PCIF1: variants seen among roughly 807,000 people sequenced by gnomAD.
The protein encoded by PCIF1 is phosphorylated CTD interacting factor 1.
PCIF1 carries 12 observed loss-of-function variants against 86.9 expected under a neutral mutation model. The ratio of observed to expected loss-of-function variants is 0.14; its 90% CI spans 0.09 to 0.22. The LOEUF is 0.22. Ranked by LOEUF, PCIF1 falls within the 10% of genes least tolerant of loss-of-function variation. PCIF1 has a pLI of 1.00. For synonymous variants in PCIF1, 397 were observed against 372.0 expected, an observed-to-expected ratio of 1.07 and a Z score of -0.77; for missense variants, 701 against 951.1, an observed-to-expected ratio of 0.74 and a Z score of 3.46.
At position 45,938,874 on chromosome 20, in the gene PCIF1, C is replaced by A. The variant is rs1328326233; in HGVS notation, c.-19-107C>A. On this transcript the variant is annotated intron_variant, in intron 2 of 16. Coordinates refer to ENST00000372409, the MANE Select transcript of PCIF1 (RefSeq NM_022104.4). ...ACCATGCTGGCCCTCCAGGATAGGA[C>A]CTGATTGGATTTCTCCACATCGGTG... 4.1e-6 allele frequency: 6 copies of A among 1,453,694 alleles called. No individual in the cohort carries two copies. The East Asian group carries it at 1.1e-4, about 27-fold the overall frequency. The allele number at this position is 1,453,694 out of a possible 1,614,324, so 90.0% of individuals were successfully genotyped here.
Position 45,940,841 on chromosome 20 carries a change from G to C in PCIF1, c.420G>C (p.Ser140=), listed in dbSNP as rs141459556. 5 of 1,613,888 alleles carry C rather than the reference G, an allele frequency of 3.1e-6. No homozygotes were observed. The Admixed American group carries it at 8.3e-5, about 27-fold the overall frequency. Residue 140 remains serine (S), a synonymous_variant, in exon 6 of 17, where the codon TCG becomes TCC. Transcript: ENST00000372409. ...IEIPVTPTGQ[S]VPSSPSIPGT... is the part of the protein sequence containing the mutation. ...TCCCAGTGACACCCACAGGCCAGTC[G>C]GTGCCCAGCTCCCCCAGTATCCCAG...
intron 10 of PCIF1, among the ~76,000 whole-genome samples, chr20:45,944,144 A>G (rs916625323): frequency 1.3e-5 from 2 of 152,014 alleles, no homozygotes; most frequent in African/African-American, 4.8e-5. Context: ...ATCAGATTCA[A>G]TTCCCTACTC....
rs770560776 is a variant in PCIF1 at position 45,938,961 on chromosome 20, T to C, written c.-19-20T>C. 10 of 1,612,182 alleles carry C rather than the reference T, an allele frequency of 6.2e-6. No homozygotes were observed. In the South Asian group the frequency reaches 7.7e-5, roughly 12 times the overall value. On this transcript the variant is annotated intron_variant, in intron 2 of 16. Coordinates refer to ENST00000372409, the MANE Select transcript of PCIF1 (RefSeq NM_022104.4). ...GGGTGAGGGGGTGGAGCTGACACTC[T>C]TTGGTCCTCTGTGTGGCAGGTCCTG...
intron 7 of PCIF1, among the ~76,000 whole-genome samples, chr20:45,942,680 C>A (rs1486134755): frequency 6.6e-6 from 1 of 151,468 alleles, no homozygotes; most frequent in African/African-American, 2.4e-5. Flanking sequence ...AGTGGCACGA[C>A]CACAGCTCAC....
Position 45,947,449 on chromosome 20 carries a change from G to C in PCIF1, c.1883+11G>C, listed in dbSNP as rs940829489. ...GCACATCTGCAAGAAGTGGGTGCCA[G>C]GGAGGGCAGGGGAAGGAGGCTGGGC... is the stretch of plus-strand genomic sequence containing the variant. On this transcript the variant is annotated intron_variant, in intron 16 of 16. Transcript: ENST00000372409. The surrounding 1 kb of genome is among the most constrained non-coding windows in gnomAD (Gnocchi z 5.4). 1 of 1,613,748 alleles carries C rather than the reference G, an allele frequency of 6.2e-7. No homozygotes were observed.
At position 45,943,439 on chromosome 20, in the gene PCIF1, G is replaced by T; in HGVS notation, c.905+16G>T. 6.2e-7 allele frequency: 1 copy of T among 1,609,330 alleles called. No individual in the cohort carries two copies. The stretch of plus-strand genomic sequence containing the variant: ...TCGAGTCCAGGTTTGCCTGTCTTCT[G>T]CCCCAGGCGAGATGGGTCTGTGATT... On this transcript the variant is annotated intron_variant, in intron 9 of 16. Coordinates refer to ENST00000372409, the MANE Select transcript of PCIF1 (RefSeq NM_022104.4). This position sits in a 1 kb window ranked among gnomAD's most constrained non-coding sequence, Gnocchi z 5.5.
At chr20:45,940,643 G>C (rs552737940) in intron 5 of PCIF1, 31 bp downstream of exon 5, 5 of 1,585,724 alleles carry the variant, frequency 3.2e-6, no homozygotes, top group Middle Eastern at 1.7e-4. Flanking sequence ...GCCGGCTGCC[G>C]AGCGGCCGGC....
At chr20:45,941,961 T>G (rs898035629) in intron 7 of PCIF1, among the ~76,000 whole-genome samples, 2 of 103,634 alleles carry the variant, frequency 1.9e-5, no homozygotes, top group Non-Finnish European at 4.1e-5. Context: ...GCCTTTCACC[T>G]TTTTTTTTTT....
intron 1 of PCIF1, among the ~76,000 whole-genome samples, chr20:45,936,055 CAT>C (rs1287784565): frequency 6.6e-6 from 1 of 152,222 alleles, no homozygotes; most frequent in Non-Finnish European, 1.5e-5. Flanking sequence ...TTTTGCAAGA[CAT>C]TATTCAGAGC....
intron 2 of PCIF1, 45 bp downstream of exon 2, chr20:45,937,630 C>A: frequency 2.5e-6 from 1 of 398,706 alleles, no homozygotes; most frequent in South Asian, 1.3e-4. Flanking sequence ...CCTGTGTGCT[C>A]AGCCCCCAAG....
In PCIF1 at chr20:45,944,967, C is replaced by T. The variant is rs779749323; in HGVS notation, c.1105C>T (p.Leu369=). 1.2e-5 allele frequency: 20 copies of T among 1,614,050 alleles called. No homozygotes were observed. In the Admixed American group the frequency reaches 3.0e-4, roughly 24 times the overall value. ...CTGCAGTAAGATCTACCACATCTCC[C>T]TGGAGTACGTCAAACGGATCCGAGA... is the stretch of plus-strand genomic sequence containing the variant. ...GICSKIYHIS[L]EYVKRIREKH... The change falls in exon 11 of 17, where the codon CTG becomes TTG. Residue 369 remains leucine (L), a synonymous_variant. Transcript: ENST00000372409.
At chr20:45,945,551 G>A (rs1358767704) in intron 11 of PCIF1, among the ~76,000 whole-genome samples, 160 bp from the exon 12 acceptor site, 4 of 152,200 alleles carry the variant, frequency 2.6e-5, no homozygotes, top group Admixed American at 6.5e-5. Flanking sequence ...TGCCTGGCTG[G>A]TTTCTTTTTA....
intron 10 of PCIF1, among the ~76,000 whole-genome samples, chr20:45,944,572 C>T (rs557483039): frequency 6.6e-6 from 1 of 152,344 alleles, no homozygotes; most frequent in South Asian, 2.1e-4. Context: ...GTAACCCCAA[C>T]AAAAGCTACT....
chr20:45,939,409 C>G, intron 4 of PCIF1, 70 bp downstream of exon 4: 1 of 1,596,786 alleles, frequency 6.3e-7, no homozygotes, highest in South Asian at 1.1e-5. Flanking sequence ...CAAATGTACC[C>G]TGAGCAGCCG....
At chr20:45,937,306 T>TC (rs1430299081) in intron 1 of PCIF1, 112 bp from the exon 2 acceptor site, 1 of 398,050 alleles carries the variant, frequency 2.5e-6, no homozygotes. Flanking sequence ...TCATCCCCTC[T>TC]CCCGGTGTGT....
In PCIF1 at chr20:45,945,858, T is replaced by C. The variant is rs1339883894; in HGVS notation, c.1316T>C (p.Val439Ala). ...CGGTATAAGGGAGAGATGGTCAAGG[T>C]CAGCCGCAACTACTTCAGCAAGCTG... ...CIRYKGEMVK[V>A]SRNYFSKLWL... The change falls in exon 12 of 17, where the codon GTC (valine) becomes GCC (alanine). Residue 439 changes from valine to alanine, a missense_variant. Val to Ala is a moderately conservative substitution (Grantham distance 64, BLOSUM62 0). This residue lies in a region of PCIF1 where 121 missense variants were observed against 131.7 expected (regional missense o/e 0.92). Coordinates refer to ENST00000372409, the MANE Select transcript of PCIF1 (RefSeq NM_022104.4). 1 of 1,613,732 alleles carries C rather than the reference T, an allele frequency of 6.2e-7. No individual in the cohort carries two copies. The highest frequency in any genetic ancestry group is 8.5e-7 in the Non-Finnish European group (1 of 1,180,020).
chr20:45,939,171 T>C (rs571164200), intron 3 of PCIF1, 44 bp from the exon 4 acceptor site: 3 of 1,613,990 alleles, frequency 1.9e-6, no homozygotes, highest in South Asian at 2.2e-5. Flanking sequence ...AAGGGCACCC[T>C]GGGAGCAGTC....
At chr20:45,935,264 C>T (rs1447684890) in intron 1 of PCIF1, among the ~76,000 whole-genome samples, 1 of 152,010 alleles carries the variant, frequency 6.6e-6, no homozygotes, top group African/African-American at 2.4e-5. Flanking sequence ...CTTTGTTCGC[C>T]CTTTGACTCC....
chr20:45,938,847 G>C, intron 2 of PCIF1, 134 bp from the exon 3 acceptor site: 1 of 1,166,274 alleles, frequency 8.6e-7, no homozygotes, highest in South Asian at 1.4e-5. Flanking sequence ...CTGCTGTGTG[G>C]CACCATGCTG....
Sources: gnomAD v4.1 joint callset for allele counts (sites outside exome capture counted in the v4.1 genomes callset) on GRCh38, gnomAD v4.1.1 for gene constraint, gnomAD v4.1.1 regional missense constraint, Gnocchi (gnomAD v3.1) non-coding constraint, MANE v1.5 for transcripts, NCBI Gene and HGNC (gene_info 2026-07-23, HGNC 2026-07-21) for gene names.